The following SMOC2 variants were observed in gnomAD, a reference collection of about 807,000 sequenced individuals.
The protein encoded by SMOC2 is SPARC-related modular calcium-binding protein 2.
A neutral mutation model predicts 61.4 loss-of-function variants in SMOC2; 39 were observed. That is an observed-to-expected ratio of 0.64 (90% CI 0.49 to 0.83). The LOEUF is 0.83. SMOC2 is among the 40% of genes least tolerant of loss of function. SMOC2 has a pLI of 0.00. For missense variants in SMOC2, 556 were observed against 592.9 expected (o/e 0.94, Z 0.65); for synonymous variants, 247 against 239.9 (o/e 1.03, Z -0.27).
chr6:168,602,997 G>A (rs79915039), intron 8 of SMOC2, among the ~76,000 whole-genome samples: 6,451 of 152,224 alleles, frequency 0.042, 226 homozygotes, highest in Admixed American at 0.099. Context: ...CCCACATGTC[G>A]TGGGAGGGAC....
Position 168,505,614 on chromosome 6 carries a change from G to A in SMOC2, c.85-4301G>A, listed in dbSNP as rs146683275. On this transcript the variant is annotated intron_variant, in intron 1 of 12. Coordinates refer to ENST00000356284, the MANE Select transcript of SMOC2 (RefSeq NM_001166412.2). ...GGATGAATGACTGAATGAAATGTCC[G>A]TCTCTGGGAGAAAATGTCCTGTGGA... 4.6e-3 allele frequency among the ~76,000 whole-genome samples: 707 copies of A among 152,360 alleles called. 4 individuals carry two copies. The highest frequency in any genetic ancestry group is 7.7e-3 in the Non-Finnish European group (522 of 68,032).
At chr6:168,476,677 GC>G (rs1350716044) in intron 1 of SMOC2, among the ~76,000 whole-genome samples, 2 of 151,672 alleles carry the variant, frequency 1.3e-5, no homozygotes, top group African/African-American at 4.8e-5. Context: ...TAATAATTTA[GC>G]CAAACTCTTA....
intron 7 of SMOC2, among the ~76,000 whole-genome samples, chr6:168,566,773 A>G (rs983524353): frequency 3.9e-5 from 6 of 152,200 alleles, no homozygotes; most frequent in Non-Finnish European, 1.5e-5. Context: ...TGCTGGGATT[A>G]CAGGCATGAG....
intron 1 of SMOC2, among the ~76,000 whole-genome samples, chr6:168,488,068 G>T (rs1275929642): frequency 6.6e-6 from 1 of 152,182 alleles, no homozygotes; most frequent in Non-Finnish European, 1.5e-5. Context: ...CGTTCTAGGG[G>T]CTGCCCTATC....
At chr6:168,625,129 C>T (rs1786366909) in intron 9 of SMOC2, among the ~76,000 whole-genome samples, 1 of 152,212 alleles carries the variant, frequency 6.6e-6, no homozygotes, top group African/African-American at 2.4e-5. Flanking sequence ...CGCGTTTGCT[C>T]CCCAAGGTCA....
intron 7 of SMOC2, among the ~76,000 whole-genome samples, chr6:168,590,211 GTGT>G (rs1785144033): frequency 9.1e-6 from 1 of 110,326 alleles, no homozygotes; most frequent in African/African-American, 3.6e-5. Context: ...AGCCGGCCTG[GTGT>G]TGGTCAGGTG....
At chr6:168,465,772 G>T (rs1781817193) in intron 1 of SMOC2, among the ~76,000 whole-genome samples, 1 of 141,324 alleles carries the variant, frequency 7.1e-6, no homozygotes, top group Non-Finnish European at 1.5e-5. Context: ...GCGAGGTGCT[G>T]CTCTGAGAGC....
intron 9 of SMOC2, among the ~76,000 whole-genome samples, chr6:168,637,795 CTGTT>C (rs1418297574): frequency 2.2e-4 from 33 of 152,230 alleles, no homozygotes; most frequent in Non-Finnish European, 7.3e-5. Context: ...GGATTCCTGT[CTGTT>C]TGTGCTGCTT....
chr6:168,618,306 C>T (rs528183035), intron 9 of SMOC2, among the ~76,000 whole-genome samples: 2 of 152,078 alleles, frequency 1.3e-5, no homozygotes, highest in Admixed American at 6.5e-5. Flanking sequence ...AAAGAGCCAG[C>T]GTAGTGGCAT....
intron 1 of SMOC2, among the ~76,000 whole-genome samples, chr6:168,500,098 G>A (rs543553071): frequency 6.6e-6 from 1 of 152,150 alleles, no homozygotes; most frequent in South Asian, 2.1e-4. Flanking sequence ...CCTGAGCTCA[G>A]GAGTTCGAGG....
intron 9 of SMOC2, among the ~76,000 whole-genome samples, chr6:168,635,886 G>A (rs906337954): frequency 4.2e-5 from 5 of 117,664 alleles, no homozygotes; most frequent in Admixed American, 3.4e-4. Context: ...AAAAAAAAAA[G>A]TTTACTGGTT....
intron 4 of SMOC2, among the ~76,000 whole-genome samples, chr6:168,529,383 C>T (rs1783531808): frequency 1.3e-5 from 2 of 152,234 alleles, no homozygotes; most frequent in African/African-American, 2.4e-5. Context: ...CTTGAGAAGA[C>T]GGTGCTGTCT....
intron 1 of SMOC2, among the ~76,000 whole-genome samples, chr6:168,459,807 G>A (rs1368950760): frequency 6.8e-6 from 1 of 146,914 alleles, no homozygotes; most frequent in Non-Finnish European, 1.5e-5. Context: ...GTGAGCCCCG[G>A]GCTGGGTGAG....
intron 7 of SMOC2, among the ~76,000 whole-genome samples, chr6:168,564,676 GGCTAT>G (rs1307857676): frequency 1.4e-4 from 22 of 152,154 alleles, no homozygotes; most frequent in Non-Finnish European, 2.8e-4. Flanking sequence ...TTTCTTTTGT[GGCTAT>G]GCTTTTGGTG....
chr6:168,569,746 G>A (rs1414778026), intron 7 of SMOC2, among the ~76,000 whole-genome samples: 2 of 152,138 alleles, frequency 1.3e-5, no homozygotes, highest in African/African-American at 4.8e-5. Flanking sequence ...GCCTGACCTG[G>A]ACCTAAGTAA....
chr6:168,495,763 C>G (rs2115036766), intron 1 of SMOC2, among the ~76,000 whole-genome samples: 1 of 152,274 alleles, frequency 6.6e-6, no homozygotes, highest in East Asian at 1.9e-4. Flanking sequence ...CTGCGCGGTT[C>G]CCTGGCAGCC....
At chr6:168,493,812 T>C (rs555364682) in intron 1 of SMOC2, among the ~76,000 whole-genome samples, 2 of 152,324 alleles carry the variant, frequency 1.3e-5, no homozygotes, top group South Asian at 4.1e-4. Context: ...AGAAAATAAA[T>C]TTCATCTGAA....
At chr6:168,532,922 TAGA>T (rs1783645640) in intron 4 of SMOC2, among the ~76,000 whole-genome samples, 2 of 152,180 alleles carry the variant, frequency 1.3e-5, no homozygotes, top group Non-Finnish European at 2.9e-5. Context: ...GTGTCTGGCG[TAGA>T]AGGAGTCCTT....
intron 9 of SMOC2, among the ~76,000 whole-genome samples, chr6:168,611,290 C>G (rs1785856363): frequency 1.1e-5 from 1 of 93,844 alleles, no homozygotes; most frequent in Non-Finnish European, 2.2e-5. Context: ...CCGTGTCGGG[C>G]CTGGCTGTGG....
Sources: allele counts gnomAD v4.1 joint callset (sites outside exome capture counted in the v4.1 genomes callset), GRCh38; gene constraint gnomAD v4.1.1; transcripts MANE v1.5; gene names NCBI Gene and HGNC (gene_info 2026-07-23, HGNC 2026-07-21).